Variants in TNK2 observed in about 807,000 individuals in gnomAD.
TNK2 encodes tyrosine kinase non receptor 2, also known as activated CDC42 kinase 1.
A neutral mutation model predicts 101.8 loss-of-function variants in TNK2; 83 were observed. The observed-to-expected ratio is 0.82, with a 90% CI of 0.68 to 0.98. The LOEUF is 0.98. TNK2 is among the 50% of genes least tolerant of loss of function. The probability of loss-of-function intolerance (pLI) is 0.00; values close to 1 mark genes in which losing one functional copy is unlikely to be tolerated. For synonymous variants in TNK2, 804 were observed against 633.0 expected (o/e 1.27, Z -4.06); for missense variants, 1,665 against 1,483.2 (o/e 1.12, Z -2.01).
chr3:195,883,436 C>G (rs977109934), intron 4 of TNK2, 127 bp from the exon 5 acceptor site: 50 of 1,162,568 alleles, frequency 4.3e-5, no homozygotes, highest in Non-Finnish European at 6.0e-5. Context: ...GGTGGGTAAG[C>G]ATGTCACCAG....
intron 9 of TNK2, among the ~76,000 whole-genome samples, chr3:195,874,023 G>C (rs1353446471): frequency 3.9e-5 from 6 of 152,256 alleles, no homozygotes; most frequent in Non-Finnish European, 8.8e-5. Flanking sequence ...ACTCGAAGGA[G>C]CAGAGCCCCG....
chr3:195,908,068 A>G (rs1761926196), intron 1 of TNK2: 2 of 152,466 alleles, frequency 1.3e-5, no homozygotes, highest in Admixed American at 1.3e-4. Context: ...TGTTAATCCC[A>G]CGCTGCCCTC....
chr3:195,892,794 G>T, intron 1 of TNK2: 1 of 1,040,764 alleles, frequency 9.6e-7, no homozygotes, highest in Non-Finnish European at 1.1e-6. Context: ...CTGCCCGCCC[G>T]GCCGCCCTCC....
intron 6 of TNK2, among the ~76,000 whole-genome samples, chr3:195,879,662 G>A (rs1448100274): frequency 2.6e-5 from 4 of 152,120 alleles, no homozygotes; most frequent in South Asian, 2.1e-4. Context: ...ACACCCATTC[G>A]TTCTGGGCAC....
intron 1 of TNK2, chr3:195,895,350 G>A (rs775136347): frequency 1.9e-6 from 3 of 1,562,102 alleles, no homozygotes; most frequent in Admixed American, 3.7e-5. Context: ...AGCGCCCGCA[G>A]CCCCCGCCCC....
intron 1 of TNK2, among the ~76,000 whole-genome samples, chr3:195,903,941 C>T (rs6784831): frequency 0.14 from 21,558 of 152,200 alleles, 1,646 homozygotes; most frequent in Non-Finnish European, 0.18. Flanking sequence ...ATGGTATTTA[C>T]ATATACTAGC....
chr3:195,867,097 G>A, intron 14 of TNK2, 72 bp downstream of exon 14: 1 of 1,607,436 alleles, frequency 6.2e-7, no homozygotes, highest in East Asian at 2.2e-5. Context: ...GAGCCAGGGG[G>A]CGTGGGGCTG....
chr3:195,904,834 G>T (rs371409536), intron 1 of TNK2, among the ~76,000 whole-genome samples: 129 of 152,294 alleles, frequency 8.5e-4, no homozygotes, highest in African/African-American at 2.6e-3. Context: ...ACAAAACACT[G>T]CTGAGAGATA....
chr3:195,865,140 T>G, intron 15 of TNK2, among the ~76,000 whole-genome samples: 1 of 114,912 alleles, frequency 8.7e-6, no homozygotes, highest in Non-Finnish European at 1.8e-5. Flanking sequence ...TGACAGCGAG[T>G]GCCTGCGTCC....
chr3:195,907,233 A>T (rs559573489), intron 1 of TNK2, among the ~76,000 whole-genome samples: 5 of 152,354 alleles, frequency 3.3e-5, no homozygotes, highest in African/African-American at 1.2e-4. Context: ...CCGTGGGCAC[A>T]GCAGCTGAAC....
chr3:195,899,586 G>A (rs778149884), intron 1 of TNK2, among the ~76,000 whole-genome samples: 4 of 152,130 alleles, frequency 2.6e-5, no homozygotes, highest in Non-Finnish European at 5.9e-5. Flanking sequence ...CACCTCAGCC[G>A]CCCACAGGGC....
At chr3:195,898,554 T>C (rs1302520176) in intron 1 of TNK2, among the ~76,000 whole-genome samples, 2 of 152,188 alleles carry the variant, frequency 1.3e-5, no homozygotes, top group South Asian at 2.1e-4. Flanking sequence ...TCTCTTAGCA[T>C]TCCCTTCAAA....
chr3:195,876,616 G>T (rs750230046), intron 9 of TNK2: 26 of 456,336 alleles, frequency 5.7e-5, no homozygotes, highest in Non-Finnish European at 1.1e-4. Flanking sequence ...CCCACCTCCT[G>T]AGCAGCTCCA....
intron 9 of TNK2, among the ~76,000 whole-genome samples, chr3:195,875,556 G>A (rs1340649429): frequency 6.6e-6 from 1 of 152,006 alleles, no homozygotes; most frequent in Non-Finnish European, 1.5e-5. Flanking sequence ...GTCACTTCTC[G>A]CAGCCCACAC....
rs1577003844 is a variant in TNK2, at chr3:195,870,131, T to A, written c.1526A>T (p.His509Leu). 1 of 1,409,304 alleles carries A rather than the reference T, an allele frequency of 7.1e-7. No homozygotes were observed. Among genetic ancestry groups the A allele is most frequent in the South Asian group, 1.4e-5 (1 of 70,246 alleles). 87.3% of individuals were successfully genotyped at this position (1,409,304 alleles called of 1,614,324 possible). A position where few individuals can be genotyped will look rare whatever the true frequency, so the allele number is the denominator to read the frequency against. ...VELSTSRPPQ[H>L]LGGVKREPPP... ...GCTCTTACTTTTCACCCCTCCTAGA[T>A]GCTGGGGGGGCCGGGAGGTGCTCAG... Residue 509 changes from histidine (H) to leucine (L), a missense_variant, in exon 11 of 16, where the codon CAT (histidine) becomes CTT (leucine). This residue lies in a region of TNK2 where 1,136 missense variants were observed against 894.9 expected (regional missense o/e 1.27). Transcript: ENST00000672887.
chr3:195,887,782 C>CGCGT (rs1756436435), intron 2 of TNK2, among the ~76,000 whole-genome samples: 1 of 150,768 alleles, frequency 6.6e-6, no homozygotes, highest in South Asian at 2.1e-4. Flanking sequence ...CGTCTGCGCG[C>CGCGT]GTGTGTGTAC....
chr3:195,887,205 G>A lies in TNK2; in HGVS notation c.164-158C>T, dbSNP rs182584560. On this transcript the variant is annotated intron_variant, in intron 2 of 15. Coordinates refer to ENST00000672887, the MANE Select transcript of TNK2 (RefSeq NM_001382273.1). Reference sequence around the variant, plus strand: ...AACTAACCCGGAGCCTCAACTGACCGACGGTCTCTGCACTCCACTTCCTGG... The same window carrying A: ...AACTAACCCGGAGCCTCAACTGACCAACGGTCTCTGCACTCCACTTCCTGG... 5.3e-5 allele frequency among the ~76,000 whole-genome samples: 8 copies of A among 152,346 alleles called. No individual in the cohort carries two copies. The East Asian group carries it at 1.2e-3, about 22-fold the overall frequency.
chr3:195,868,206 G>C lies in TNK2; in HGVS notation c.2092C>G (p.Leu698Val), dbSNP rs758468431. ...VPEQARPPPP[L>V]EDNLFLPPQG... ...GGCGGGAGGAACAGGTTGTCCTCCA[G>C]GGGAGGGGGCGGCCGCGCCTGCTCA... The change falls in exon 13 of 16, where the codon CTG (leucine) becomes GTG (valine). Residue 698 changes from leucine to valine, a missense_variant. Around this residue, in one of 3 missense-constraint regions of TNK2, gnomAD observed 1,136 missense variants for 894.9 expected, o/e 1.27. Coordinates refer to ENST00000672887, the MANE Select transcript of TNK2 (RefSeq NM_001382273.1). 2 of 1,608,400 alleles carry C rather than the reference G, an allele frequency of 1.2e-6. No individual in the cohort carries two copies. Among genetic ancestry groups the C allele is most frequent in the East Asian group, 4.5e-5 (2 of 44,808 alleles).
In TNK2 at chr3:195,878,159, G is replaced by T; in HGVS notation, c.1256+94C>A. 7.4e-7 allele frequency: 1 copy of T among 1,349,432 alleles called. No individual in the cohort carries two copies. Among genetic ancestry groups the T allele is most frequent in the Middle Eastern group, 1.8e-4 (1 of 5,464 alleles). The allele number at this position is 1,349,432 out of a possible 1,614,324, so 83.6% of individuals were successfully genotyped here. A position where few individuals can be genotyped will look rare whatever the true frequency, so the allele number is the denominator to read the frequency against. On this transcript the variant is annotated intron_variant, in intron 9 of 15. Coordinates refer to ENST00000672887, the MANE Select transcript of TNK2 (RefSeq NM_001382273.1). The surrounding 1 kb of genome is among the most constrained non-coding windows in gnomAD (Gnocchi z 4.7). ...AACCGCCAGCCTGTATGTGGCCAAG[G>T]GAATCTTGGAGGCCAAACAGATCTG...
Sources: allele counts gnomAD v4.1 joint callset (sites outside exome capture counted in the v4.1 genomes callset), GRCh38; gene constraint gnomAD v4.1.1; regional missense constraint gnomAD v4.1.1; non-coding constraint Gnocchi (gnomAD v3.1); transcripts MANE v1.5; gene names NCBI Gene and HGNC (gene_info 2026-07-23, HGNC 2026-07-21).